SHROOM2: variants seen among roughly 807,000 people sequenced by gnomAD.
SHROOM2 encodes shroom family member 2, also known as protein Shroom2.
A neutral mutation model predicts 75.9 loss-of-function variants in SHROOM2; 33 were observed. The observed-to-expected ratio is 0.43, with a 90% CI of 0.33 to 0.58. SHROOM2 has a LOEUF of 0.58. Among genes scored for constraint, SHROOM2 ranks in the 20% least tolerant of loss-of-function variants. SHROOM2 has a pLI of 0.04. For synonymous variants in SHROOM2, 655 were observed against 663.6 expected, an observed-to-expected ratio of 0.99 and a Z score of 0.20; for missense variants, 1,434 against 1,461.2, an observed-to-expected ratio of 0.98 and a Z score of 0.30.
chrX:9,915,180 T>A (rs2084478525), intron 5 of SHROOM2, among the ~76,000 whole-genome samples: 1 of 111,818 alleles, frequency 8.9e-6, no homozygotes, highest in Admixed American at 9.6e-5. Flanking sequence ...ATCTTGAAGT[T>A]TAAATTATTT....
chrX:9,908,207 G>A lies in SHROOM2; in HGVS notation c.2891+9917G>A, dbSNP rs142333354. ...ATGCAGGAGCACGCAGGATGCTGGA[G>A]CACCAGCTTTTCTGACTTGTTAGTG... is the stretch of plus-strand genomic sequence containing the variant. On this transcript the variant is annotated intron_variant, in intron 5 of 9. Coordinates refer to ENST00000380913, the MANE Select transcript of SHROOM2 (RefSeq NM_001649.4). 6.3e-3 allele frequency among the ~76,000 whole-genome samples: 707 copies of A among 112,623 alleles called. 5 individuals are homozygous for A. The highest frequency in any genetic ancestry group is 0.022 in the African/African-American group (690 of 31,031).
intron 1 of SHROOM2, among the ~76,000 whole-genome samples, chrX:9,856,642 C>T (rs1363806846): frequency 3.6e-5 from 4 of 111,554 alleles, no homozygotes; most frequent in African/African-American, 1.3e-4. Flanking sequence ...TGGACTGGAG[C>T]GTTTGCCCCT....
At chrX:9,872,245 T>C (rs1356145063) in intron 1 of SHROOM2, among the ~76,000 whole-genome samples, 11 of 112,548 alleles carry the variant, frequency 9.8e-5, no homozygotes, top group Non-Finnish European at 1.7e-4. Flanking sequence ...TACTTTACTG[T>C]ATAGGAAAAT....
At chrX:9,816,369 G>A (rs2083821752) in intron 1 of SHROOM2, among the ~76,000 whole-genome samples, 1 of 112,399 alleles carries the variant, frequency 8.9e-6, no homozygotes, top group Non-Finnish European at 1.9e-5. Flanking sequence ...AATAGGATTG[G>A]TCATTTTGGC....
chrX:9,814,351 G>A (rs2083807387), intron 1 of SHROOM2, among the ~76,000 whole-genome samples: 1 of 111,857 alleles, frequency 8.9e-6, no homozygotes, highest in Admixed American at 9.5e-5. Context: ...CCAACTCTGT[G>A]TTCTTTCCAC....
rs1000614227 is a variant in SHROOM2 at position 9,864,095 on chromosome X, T to C, written c.166-9557T>C. 4.5e-5 allele frequency among the ~76,000 whole-genome samples: 5 copies of C among 110,950 alleles called. No individual in the cohort carries two copies. The Admixed American group carries it at 4.8e-4, about 11-fold the overall frequency. ...AGTCTGTCTCCGGGCGAAACTTCAG[T>C]GTAGATGCATGTTCTCAGGATATTT... is the stretch of plus-strand genomic sequence containing the variant. On this transcript the variant is annotated intron_variant, in intron 1 of 9. Transcript: ENST00000380913.
Position 9,906,384 on chromosome X carries a change from C to T in SHROOM2, c.2891+8094C>T, listed in dbSNP as rs748994049. 5.4e-5 allele frequency among the ~76,000 whole-genome samples: 6 copies of T among 111,980 alleles called. 1 individual carries two copies. The South Asian group carries it at 2.3e-3, about 42-fold the overall frequency. ...TGGTGATGGTGACTGCTGTGATATA[C>T]TAAAAACTACTGAACTGCGCTGTTT... is the stretch of plus-strand genomic sequence containing the variant. On this transcript the variant is annotated intron_variant, in intron 5 of 9. Transcript: ENST00000380913.
Position 9,792,866 on chromosome X carries a change from C to T in SHROOM2, c.165+6156C>T, listed in dbSNP as rs761187703. On this transcript the variant is annotated intron_variant, in intron 1 of 9. Transcript: ENST00000380913. Reference sequence around the variant, plus strand: ...CTGGCGTTACAGGCGCACACCACCACGCCCTGCTAATTTTTGTATTTTTAG... The same window carrying T: ...CTGGCGTTACAGGCGCACACCACCATGCCCTGCTAATTTTTGTATTTTTAG... 3.6e-5 allele frequency among the ~76,000 whole-genome samples: 4 copies of T among 110,044 alleles called. No homozygotes were observed. In the South Asian group the frequency reaches 1.2e-3, roughly 33 times the overall value.
chrX:9,925,476 A>G (rs2084585633), intron 5 of SHROOM2, among the ~76,000 whole-genome samples: 1 of 112,562 alleles, frequency 8.9e-6, no homozygotes, highest in Non-Finnish European at 1.9e-5. Flanking sequence ...AGTGCTTTCT[A>G]GATGATAACC....
rs1017141230 is a variant in SHROOM2 at position 9,895,293 on chromosome X, G to A, written c.1385G>A (p.Gly462Glu). ...FQNDSPPQVR[G>E]LSSCDQKLGS... The stretch of plus-strand genomic sequence containing the variant: ...AACGACAGCCCTCCTCAGGTGAGGG[G>A]GCTCAGCAGCTGTGACCAGAAGCTG... Residue 462 changes from glycine to glutamate, a missense_variant, in exon 4 of 10, where the codon GGG becomes GAG. Physicochemically the swap from Gly to Glu is moderately conservative, Grantham distance 98 (BLOSUM62 -2). Around this residue, in one of 3 missense-constraint regions of SHROOM2, gnomAD observed 1,340 missense variants for 1,338.3 expected, o/e 1.00. Transcript: ENST00000380913. 8.5e-7 allele frequency: 1 copy of A among 1,178,345 alleles called. No individual in the cohort carries two copies. Among genetic ancestry groups the A allele is most frequent in the Non-Finnish European group, 1.1e-6 (1 of 878,797 alleles).
intron 1 of SHROOM2, among the ~76,000 whole-genome samples, chrX:9,808,985 T>G (rs1467023309): frequency 9.0e-6 from 1 of 110,754 alleles, no homozygotes; most frequent in Admixed American, 9.7e-5. Flanking sequence ...TCACTTTAAT[T>G]CCAGAACATT....
chrX:9,849,663 C>G (rs1301518546), intron 1 of SHROOM2, among the ~76,000 whole-genome samples: 1 of 111,474 alleles, frequency 9.0e-6, no homozygotes, highest in Non-Finnish European at 1.9e-5. Flanking sequence ...GCACCCCCAC[C>G]ACCACACATG....
At chrX:9,946,523 C>G in intron 9 of SHROOM2, 148 bp from the exon 10 acceptor site, 1 of 529,484 alleles carries the variant, frequency 1.9e-6, no homozygotes. Context: ...CTGGGTTTGT[C>G]TGTGTGGACC....
chrX:9,923,714 G>A (rs2084568716), intron 5 of SHROOM2, among the ~76,000 whole-genome samples: 1 of 111,185 alleles, frequency 9.0e-6, no homozygotes, highest in African/African-American at 3.4e-5. Context: ...AAATGTGTGT[G>A]CTGAAGACAT....
intron 5 of SHROOM2, among the ~76,000 whole-genome samples, chrX:9,930,698 G>A (rs1342747210): frequency 9.0e-6 from 1 of 111,043 alleles, no homozygotes; most frequent in East Asian, 2.8e-4. Flanking sequence ...CCAGACAAAT[G>A]TATTGTTCTC....
chrX:9,870,142 C>T (rs1234648932), intron 1 of SHROOM2, among the ~76,000 whole-genome samples: 6 of 111,623 alleles, frequency 5.4e-5, no homozygotes, highest in Non-Finnish European at 9.4e-5. Context: ...GGGAGAATTG[C>T]TTGAGACCGG....
intron 1 of SHROOM2, among the ~76,000 whole-genome samples, chrX:9,792,776 A>G (rs761597122): frequency 9.2e-6 from 1 of 109,270 alleles, no homozygotes; most frequent in Non-Finnish European, 1.9e-5. Context: ...ACTGGAGTGC[A>G]GTGGCATGAT....
chrX:9,839,273 C>T (rs757661874), intron 1 of SHROOM2, among the ~76,000 whole-genome samples: 1 of 110,422 alleles, frequency 9.1e-6, no homozygotes, highest in South Asian at 3.9e-4. Flanking sequence ...GGCAGCAGGG[C>T]AGAGACGCGT....
intron 1 of SHROOM2, among the ~76,000 whole-genome samples, chrX:9,801,987 AAATT>A (rs1261866718): frequency 9.0e-6 from 1 of 111,628 alleles, no homozygotes; most frequent in East Asian, 2.8e-4. Flanking sequence ...AATAAAAATA[AAATT>A]AATTTGACAT....
Sources: allele counts gnomAD v4.1 joint callset (sites outside exome capture counted in the v4.1 genomes callset), GRCh38; gene constraint gnomAD v4.1.1; regional missense constraint gnomAD v4.1.1; transcripts MANE v1.5; gene names NCBI Gene and HGNC (gene_info 2026-07-23, HGNC 2026-07-21).